Variants in CFAP54 observed in about 807,000 individuals in gnomAD.
CFAP54 encodes cilia- and flagella-associated protein 54.
In CFAP54, 290 loss-of-function variants were observed where a neutral mutation model predicts 370.4. The observed-to-expected ratio is 0.78, with a 90% CI of 0.71 to 0.86. The LOEUF (loss-of-function observed/expected upper bound fraction) is 0.86, where lower values mean the gene tolerates loss of function less well. Ranked by LOEUF, CFAP54 falls within the 40% of genes least tolerant of loss-of-function variation. The probability of loss-of-function intolerance (pLI) is 0.00; values close to 1 mark genes in which losing one functional copy is unlikely to be tolerated. For synonymous variants in CFAP54, 1,206 were observed against 1,236.5 expected (o/e 0.98, Z 0.52); for missense variants, 3,399 against 3,528.7 (o/e 0.96, Z 0.93).
At chr12:96,835,122 G>A (rs1959182033) in intron 66 of CFAP54, among the ~76,000 whole-genome samples, 1 of 152,112 alleles carries the variant, frequency 6.6e-6, no homozygotes, top group Admixed American at 6.5e-5. Context: ...GCTTTCAGCA[G>A]AGAATAGGCC....
intron 25 of CFAP54, among the ~76,000 whole-genome samples, chr12:96,594,940 G>C (rs1309148696): frequency 6.6e-6 from 1 of 152,014 alleles, no homozygotes; most frequent in African/African-American, 2.4e-5. Flanking sequence ...TGGATTTAGT[G>C]GCTTGAAAGG....
intron 30 of CFAP54, 79 bp downstream of exon 30, chr12:96,627,018 T>A: frequency 9.2e-7 from 1 of 1,084,158 alleles, no homozygotes; most frequent in Non-Finnish European, 1.2e-6. Flanking sequence ...AAATATAAGG[T>A]AGACGAAAAA....
chr12:96,793,509 C>T (rs1297311556), intron 63 of CFAP54, among the ~76,000 whole-genome samples: 2 of 152,022 alleles, frequency 1.3e-5, no homozygotes, highest in Non-Finnish European at 2.9e-5. Flanking sequence ...CTGCTATAAA[C>T]GTTCGTGTGC....
At chr12:96,725,937 G>T (rs1332477452) in intron 50 of CFAP54, among the ~76,000 whole-genome samples, 1 of 149,122 alleles carries the variant, frequency 6.7e-6, no homozygotes. Flanking sequence ...AGATAATCAT[G>T]TGGTTTTTGT....
intron 55 of CFAP54, among the ~76,000 whole-genome samples, chr12:96,749,367 A>G (rs1565964085): frequency 2.0e-5 from 3 of 152,256 alleles, no homozygotes; most frequent in Admixed American, 1.3e-4. Context: ...CACCTCCCAA[A>G]GTCTCTGCCT....
rs1454818470 is a variant in CFAP54 at position 96,564,484 on chromosome 12, T to C, written c.2427T>C (p.Thr809=). 2.1e-5 allele frequency: 15 copies of C among 697,948 alleles called. No individual in the cohort carries two copies. Among genetic ancestry groups the C allele is most frequent in the Non-Finnish European group, 2.4e-5 (9 of 382,314 alleles). The allele number at this position is 697,948 out of a possible 1,614,324, so 43.2% of individuals were successfully genotyped here. Residue 809 remains threonine, a synonymous_variant, in exon 18 of 68, where the codon ACT becomes ACC. Transcript: ENST00000524981. ...LDKLQVLQTP[T]VSKDISTKGP... ...CTTCTTCAGTTTTGCAGACTCCAAC[T>C]GTTAGCAAAGATATTTCTACCAAGG...
At chr12:96,606,734 G>A (rs747928401) in intron 26 of CFAP54, among the ~76,000 whole-genome samples, 11 of 152,162 alleles carry the variant, frequency 7.2e-5, no homozygotes, top group Admixed American at 5.2e-4. Flanking sequence ...TGAGAAAAAG[G>A]CTTTTTATGG....
intron 40 of CFAP54, among the ~76,000 whole-genome samples, chr12:96,681,673 C>T (rs951093441): frequency 1.3e-5 from 2 of 151,880 alleles, no homozygotes; most frequent in African/African-American, 4.8e-5. Flanking sequence ...TCAAGCGATT[C>T]TCCTGCCTCA....
intron 44 of CFAP54, among the ~76,000 whole-genome samples, chr12:96,693,063 T>G (rs150791233): frequency 1.8e-4 from 28 of 152,330 alleles, no homozygotes; most frequent in African/African-American, 5.1e-4. Flanking sequence ...TCCATGGGAC[T>G]TCAAGAGCAA....
chr12:96,571,198 A>G lies in CFAP54; in HGVS notation c.2620-5387A>G, dbSNP rs116587598. On this transcript the variant is annotated intron_variant, in intron 19 of 67. Transcript: ENST00000524981. The stretch of plus-strand genomic sequence containing the variant: ...CAAGCCTGTGTCAAATGTATTTAAC[A>G]TCAATCTGTCCTCATAAGCATTGAG... 2.1e-3 allele frequency among the ~76,000 whole-genome samples: 314 copies of G among 152,328 alleles called. 2 individuals are homozygous for G. Among genetic ancestry groups the G allele is most frequent in the African/African-American group, 6.8e-3 (281 of 41,582 alleles).
At position 96,693,747 on chromosome 12, in the gene CFAP54, A is replaced by G. The variant is rs563532536; in HGVS notation, c.6290A>G (p.Gln2097Arg). The G allele has an allele frequency of 6.3e-7, 1 of 1,598,390 alleles. No individual in the cohort carries two copies. The highest frequency in any genetic ancestry group is 2.2e-5 in the East Asian group (1 of 44,650). Residue 2097 changes from glutamine (Q) to arginine (R), a missense_variant, in exon 45 of 68, where the codon CAA becomes CGA. Coordinates refer to ENST00000524981, the MANE Select transcript of CFAP54 (RefSeq NM_001306084.2). ...GTTCTGCCTCTCCTTGCATTGTATC[A>G]ATATTTTGTTTCTGGAATTTGTCAA... ...LIVLPLLALY[Q>R]YFVSGICQDI...
chr12:96,664,765 C>CTATATCTATATCTATATA (rs1957053852), intron 39 of CFAP54, among the ~76,000 whole-genome samples: 1 of 73,630 alleles, frequency 1.4e-5, no homozygotes, highest in Non-Finnish European at 2.6e-5. Flanking sequence ...CTATATATAT[C>CTATATCTATATCTATATA]TATATCTATA....
At chr12:96,833,539 T>C (rs1352207777) in intron 66 of CFAP54, among the ~76,000 whole-genome samples, 5 of 151,204 alleles carry the variant, frequency 3.3e-5, no homozygotes, top group African/African-American at 1.2e-4. Flanking sequence ...TGTGTGTGTG[T>C]GTGTGATTTG....
At chr12:96,694,787 G>T (rs765398361) in intron 45 of CFAP54, among the ~76,000 whole-genome samples, 3 of 151,982 alleles carry the variant, frequency 2.0e-5, no homozygotes, top group Non-Finnish European at 4.4e-5. Context: ...ACTTTGGGAG[G>T]CCGGGGTGGG....
intron 4 of CFAP54, among the ~76,000 whole-genome samples, chr12:96,511,613 C>T (rs1955169387): frequency 3.4e-5 from 5 of 148,470 alleles, no homozygotes; most frequent in African/African-American, 1.0e-4. Context: ...ACACCACGCC[C>T]GGCTGGGATT....
At chr12:96,680,819 C>T (rs1316421048) in intron 40 of CFAP54, among the ~76,000 whole-genome samples, 1 of 152,176 alleles carries the variant, frequency 6.6e-6, no homozygotes, top group African/African-American at 2.4e-5. Context: ...CGCCGTGGCT[C>T]ACGCCTGTAA....
chr12:96,742,661 A>G (rs1565961781), intron 52 of CFAP54, 75 bp downstream of exon 52: 1 of 1,326,702 alleles, frequency 7.5e-7, no homozygotes, highest in African/African-American at 1.5e-5. Context: ...ATTGGGATAT[A>G]TTTTATTATG....
At chr12:96,715,283 C>T (rs1185042422) in intron 48 of CFAP54, among the ~76,000 whole-genome samples, 1 of 152,004 alleles carries the variant, frequency 6.6e-6, no homozygotes. Context: ...GAGTTAGCAT[C>T]GTTTTTTCCC....
At chr12:96,685,282 C>T (rs567324401) in intron 42 of CFAP54, 44 bp downstream of exon 42, 6 of 1,576,158 alleles carry the variant, frequency 3.8e-6, no homozygotes, top group Middle Eastern at 2.1e-4. Context: ...CTAACAGCTT[C>T]CTTGTGGGGT....
Sources: allele counts gnomAD v4.1 joint callset (sites outside exome capture counted in the v4.1 genomes callset), GRCh38; gene constraint gnomAD v4.1.1; transcripts MANE v1.5; gene names NCBI Gene and HGNC (gene_info 2026-07-23, HGNC 2026-07-21).